IFIT2: variants seen among roughly 807,000 people sequenced by gnomAD.
The protein encoded by IFIT2 is interferon induced protein with tetratricopeptide repeats 2.
Under a neutral mutation model 2.5 loss-of-function variants are expected in IFIT2, and 3 were observed. The observed-to-expected ratio is 1.21, with a 90% confidence interval of 0.55 to 3.14. The LOEUF (loss-of-function observed/expected upper bound fraction) is 3.14, where lower values mean the gene tolerates loss of function less well. IFIT2 is among the 30% of genes most tolerant of loss of function. IFIT2 has a pLI of 0.03. For synonymous variants in IFIT2, 212 were observed against 200.7 expected, an observed-to-expected ratio of 1.06 and a Z score of -0.48; for missense variants, 493 against 558.9, an observed-to-expected ratio of 0.88 and a Z score of 1.19.
At chr10:89,304,886 G>A (rs971209785) in intron 1 of IFIT2, among the ~76,000 whole-genome samples, 2 of 151,904 alleles carry the variant, frequency 1.3e-5, no homozygotes, top group Non-Finnish European at 2.9e-5. Flanking sequence ...AAAGAAAAAA[G>A]AGCTCTTTCT....
chr10:89,302,692 G>A (rs1843452990), intron 1 of IFIT2, among the ~76,000 whole-genome samples: 1 of 152,166 alleles, frequency 6.6e-6, no homozygotes, highest in Non-Finnish European at 1.5e-5. Context: ...TGCCTCCTGA[G>A]TATGAATTAG....
intron 1 of IFIT2, among the ~76,000 whole-genome samples, chr10:89,303,115 AT>A (rs538362518): frequency 5.8e-4 from 88 of 151,402 alleles, no homozygotes; most frequent in African/African-American, 2.1e-3. Flanking sequence ...GCATGGTCTT[AT>A]CTTAGAATTT....
In IFIT2 at chr10:89,302,211, G is replaced by A. The variant is rs1843449509; in HGVS notation, c.5+83G>A. ...TCCTGAGAAGCTATGTTCCCAAAGA[G>A]GGCCAGCTCCATTTTAGTGTTTGTT... On this transcript the variant is annotated intron_variant, in intron 1 of 1. Transcript: ENST00000371826. 2.8e-6 allele frequency: 4 copies of A among 1,424,346 alleles called. No individual in the cohort carries two copies. The South Asian group carries it at 4.6e-5, about 16-fold the overall frequency. The allele number at this position is 1,424,346 out of a possible 1,614,324, so 88.2% of individuals were successfully genotyped here. A position where few individuals can be genotyped will look rare whatever the true frequency, so the allele number is the denominator to read the frequency against.
chr10:89,308,292 T>A lies in IFIT2; in HGVS notation c.*917T>A, dbSNP rs534653178. ...GTAGATTGTAATCGAATGGAGAAAT[T>A]TGCAGTATTTTAGCCACTATTAGGA... On this transcript the variant is annotated 3_prime_UTR_variant, in exon 2 of 2. Transcript: ENST00000371826. 1 of 152,132 alleles carries A rather than the reference T, an allele frequency of 6.6e-6. No homozygotes were observed. Among genetic ancestry groups the A allele is most frequent in the Non-Finnish European group, 1.5e-5 (1 of 68,010 alleles). The allele number at this position is 152,132 out of a possible 1,614,324, so 9.4% of individuals were successfully genotyped here.
At chr10:89,305,208 G>A (rs1000666231) in intron 1 of IFIT2, among the ~76,000 whole-genome samples, 19 of 152,012 alleles carry the variant, frequency 1.2e-4, no homozygotes, top group African/African-American at 3.6e-4. Context: ...CAGATAAAAT[G>A]AGTAAAAATT....
intron 1 of IFIT2, among the ~76,000 whole-genome samples, chr10:89,303,839 T>A (rs1843461072): frequency 6.6e-6 from 1 of 152,212 alleles, no homozygotes; most frequent in Admixed American, 6.5e-5. Context: ...GAAGCTATAG[T>A]GAGTCTTCAG....
intron 1 of IFIT2, among the ~76,000 whole-genome samples, chr10:89,303,685 T>C (rs1843460103): frequency 6.6e-6 from 1 of 152,202 alleles, no homozygotes; most frequent in Non-Finnish European, 1.5e-5. Flanking sequence ...AGACTTTATG[T>C]TTTATATGGT....
rs745619883 is a variant in IFIT2 at position 89,307,138 on chromosome 10, C to A, written c.1182C>A (p.His394Gln). Residue 394 changes from histidine (H) to glutamine (Q), a missense_variant, in exon 2 of 2, where the codon CAC (histidine) becomes CAA (glutamine). Physicochemically the swap from His to Gln is conservative, Grantham distance 24. Transcript: ENST00000371826. ...AGTGTGAAGACAAGGCCATCCACCA[C>A]TTTATAGAGGGTGTAAAAATAAACC... ...QMKCEDKAIH[H>Q]FIEGVKINQK... is the part of the protein sequence containing the mutation. The A allele has an allele frequency of 1.2e-6, 2 of 1,613,810 alleles. No homozygotes were observed. Among genetic ancestry groups the A allele is most frequent in the Non-Finnish European group, 1.7e-6 (2 of 1,179,936 alleles).
chr10:89,306,482 T>A lies in IFIT2; in HGVS notation c.526T>A (p.Ser176Thr). 3 of 1,614,086 alleles carry A rather than the reference T, an allele frequency of 1.9e-6. No individual in the cohort carries two copies. Among genetic ancestry groups the A allele is most frequent in the Non-Finnish European group, 1.7e-6 (2 of 1,180,000 alleles). Reference sequence around the variant, plus strand: ...GAAGCCAAAGAACCCAGAATTCACCTCTGGACTGGCAATAGCAAGCTACCG... The same window carrying A: ...GAAGCCAAAGAACCCAGAATTCACCACTGGACTGGCAATAGCAAGCTACCG... ...EKKPKNPEFT[S>T]GLAIASYRLD... The change falls in exon 2 of 2, where the codon TCT (serine) becomes ACT (threonine). Residue 176 changes from serine to threonine, a missense_variant. Transcript: ENST00000371826.
chr10:89,306,865 G>C lies in IFIT2; in HGVS notation c.909G>C (p.Glu303Asp). The change falls in exon 2 of 2, where the codon GAG becomes GAC. Residue 303 changes from glutamate (E) to aspartate (D), a missense_variant. By Grantham distance (45) the Glu-to-Asp change is conservative. Coordinates refer to ENST00000371826, the MANE Select transcript of IFIT2 (RefSeq NM_001547.5). ...AKVFQVMNLR[E>D]NGMYGKRKLL... ...TCTTCCAAGTAATGAATCTAAGAGA[G>C]AATGGAATGTATGGGAAAAGAAAGT... is the stretch of plus-strand genomic sequence containing the variant. 1.2e-6 allele frequency: 2 copies of C among 1,614,110 alleles called. No homozygotes were observed. The highest frequency in any genetic ancestry group is 1.1e-5 in the South Asian group (1 of 91,076).
chr10:89,306,889 G>C lies in IFIT2; in HGVS notation c.933G>C (p.Lys311Asn). ...AGAATGGAATGTATGGGAAAAGAAA[G>C]TTACTGGAACTAATAGGACACGCTG... The part of the protein sequence containing the change: ...LRENGMYGKR[K>N]LLELIGHAVA... The change falls in exon 2 of 2, where the codon AAG (lysine) becomes AAC (asparagine). Residue 311 changes from lysine to asparagine, a missense_variant. Coordinates refer to ENST00000371826, the MANE Select transcript of IFIT2 (RefSeq NM_001547.5). The C allele has an allele frequency of 6.2e-7, 1 of 1,614,080 alleles. No individual in the cohort carries two copies. The highest frequency in any genetic ancestry group is 8.5e-7 in the Non-Finnish European group (1 of 1,179,956).
intron 1 of IFIT2, among the ~76,000 whole-genome samples, chr10:89,305,387 TAGAC>T (rs1288023995): frequency 1.3e-5 from 2 of 152,044 alleles, no homozygotes; most frequent in South Asian, 2.1e-4. Flanking sequence ...AAAGCTGAAA[TAGAC>T]AGAAAATCGA....
intron 1 of IFIT2, among the ~76,000 whole-genome samples, chr10:89,302,932 C>T (rs1265265151): frequency 1.3e-5 from 2 of 151,500 alleles, no homozygotes; most frequent in Non-Finnish European, 2.9e-5. Flanking sequence ...GACACCTTGC[C>T]CTCTGTCTGT....
In IFIT2 at chr10:89,308,132, G is replaced by A. The variant is rs935666816; in HGVS notation, c.*757G>A. On this transcript the variant is annotated 3_prime_UTR_variant, in exon 2 of 2. Transcript: ENST00000371826. ...ATGTAGCAAGTAAAGAATGAGAATG[G>A]ATTCTGTACAATACACTAGAAACCA... The A allele has an allele frequency of 1.3e-5, 2 of 152,128 alleles. No individual in the cohort carries two copies. Among genetic ancestry groups the A allele is most frequent in the African/African-American group, 4.8e-5 (2 of 41,422 alleles). The allele number at this position is 152,128 out of a possible 1,614,324, so 9.4% of individuals were successfully genotyped here. A position where few individuals can be genotyped will look rare whatever the true frequency, so the allele number is the denominator to read the frequency against.
intron 1 of IFIT2, among the ~76,000 whole-genome samples, chr10:89,304,852 C>T (rs1843468335): frequency 6.6e-6 from 1 of 151,528 alleles, no homozygotes. Flanking sequence ...GAAAATCTTT[C>T]CAGGAGAGTC....
At chr10:89,304,615 A>G (rs946420122) in intron 1 of IFIT2, among the ~76,000 whole-genome samples, 1 of 152,200 alleles carries the variant, frequency 6.6e-6, no homozygotes, top group African/African-American at 2.4e-5. Context: ...AAAAATTTAA[A>G]TAAGAAAAGG....
rs148978582 is a variant in IFIT2, at chr10:89,307,292, A to G, written c.1336A>G (p.Met446Val). ...ATTCCTTCAGGAGCTGAATGAAAAA[A>G]TGCAACAAGCAGATGAAGACTCTGA... ...LAFLQELNEK[M>V]QQADEDSERG... Residue 446 changes from methionine to valine, a missense_variant, in exon 2 of 2, where the codon ATG (methionine) becomes GTG (valine). Coordinates refer to ENST00000371826, the MANE Select transcript of IFIT2 (RefSeq NM_001547.5). 2.9e-5 allele frequency: 47 copies of G among 1,614,020 alleles called. No homozygotes were observed. In the African/African-American group the frequency reaches 4.4e-4, roughly 15 times the overall value.
In IFIT2 at chr10:89,306,589, T is replaced by C. The variant is rs1479187458; in HGVS notation, c.633T>C (p.Leu211=). ...GGCTGAATCCTGACAACCAGTACCT[T>C]AAAGTCCTCCTGGCTCTGAAGCTTC... is the stretch of plus-strand genomic sequence containing the variant. ...AIRLNPDNQY[L]KVLLALKLHK... is the part of the protein sequence containing the mutation. Residue 211 remains leucine (L), a synonymous_variant, in exon 2 of 2, where the codon CTT becomes CTC. Coordinates refer to ENST00000371826, the MANE Select transcript of IFIT2 (RefSeq NM_001547.5). The C allele has an allele frequency of 6.2e-7, 1 of 1,614,004 alleles. No individual in the cohort carries two copies. The highest frequency in any genetic ancestry group is 8.5e-7 in the Non-Finnish European group (1 of 1,179,948).
chr10:89,303,568 T>TAAAAAC (rs1394964205), intron 1 of IFIT2, among the ~76,000 whole-genome samples: 4 of 152,212 alleles, frequency 2.6e-5, no homozygotes, highest in Non-Finnish European at 5.9e-5. Context: ...CCAGTGGAAA[T>TAAAAAC]AAAAACCCAA....
Sources: allele counts gnomAD v4.1 joint callset (sites outside exome capture counted in the v4.1 genomes callset), GRCh38; gene constraint gnomAD v4.1.1; transcripts MANE v1.5; gene names NCBI Gene and HGNC (gene_info 2026-07-23, HGNC 2026-07-21).